GUCY1A2: variants seen among roughly 807,000 people sequenced by gnomAD.
GUCY1A2 encodes the protein guanylate cyclase soluble subunit alpha-2.
A neutral mutation model predicts 63.5 loss-of-function variants in GUCY1A2; 27 were observed. That is an observed-to-expected ratio of 0.43 (90% CI 0.31 to 0.59). The LOEUF (loss-of-function observed/expected upper bound fraction) is 0.59, where lower values mean the gene tolerates loss of function less well. GUCY1A2 is among the 20% of genes least tolerant of loss of function. GUCY1A2 has a pLI of 0.11. For synonymous variants in GUCY1A2, 364 were observed against 343.5 expected (o/e 1.06, Z -0.66); for missense variants, 768 against 913.3 (o/e 0.84, Z 2.05).
At chr11:107,006,070 T>C (rs1358544171) in intron 1 of GUCY1A2, among the ~76,000 whole-genome samples, 1 of 152,232 alleles carries the variant, frequency 6.6e-6, no homozygotes, top group African/African-American at 2.4e-5. Context: ...TCCTATGAAT[T>C]GTAAACCTCA....
intron 5 of GUCY1A2, among the ~76,000 whole-genome samples, chr11:106,804,959 A>G (rs1457627397): frequency 6.6e-6 from 1 of 152,084 alleles, no homozygotes; most frequent in African/African-American, 2.4e-5. Flanking sequence ...TACTTTGCTA[A>G]TTGGCCTGAA....
chr11:106,880,393 A>G (rs1429113690), intron 4 of GUCY1A2, among the ~76,000 whole-genome samples: 1 of 151,850 alleles, frequency 6.6e-6, no homozygotes. Context: ...TTTTTTTACA[A>G]ACTGTAGTGG....
chr11:106,936,838 A>G, intron 4 of GUCY1A2: 1 of 541,396 alleles, frequency 1.8e-6, no homozygotes, highest in South Asian at 3.3e-5. Context: ...TTAAAATAGC[A>G]TTTTCTTATA....
At chr11:106,903,074 C>T (rs989674795) in intron 4 of GUCY1A2, among the ~76,000 whole-genome samples, 1 of 152,108 alleles carries the variant, frequency 6.6e-6, no homozygotes, top group South Asian at 2.1e-4. Context: ...TGCTCAAACA[C>T]TGATTTTATT....
At chr11:106,709,200 T>A (rs1209844299) in intron 6 of GUCY1A2, among the ~76,000 whole-genome samples, 1 of 127,582 alleles carries the variant, frequency 7.8e-6, no homozygotes, top group Non-Finnish European at 1.6e-5. Flanking sequence ...CTATATATAA[T>A]ATACATGTAT....
intron 4 of GUCY1A2, among the ~76,000 whole-genome samples, chr11:106,930,458 C>T (rs908115352): frequency 3.3e-5 from 5 of 152,222 alleles, no homozygotes; most frequent in African/African-American, 9.6e-5. Context: ...CTTAATCATA[C>T]ACAATACTGT....
intron 4 of GUCY1A2, among the ~76,000 whole-genome samples, chr11:106,892,870 T>C (rs1048089371): frequency 2.0e-5 from 3 of 152,176 alleles, no homozygotes; most frequent in Non-Finnish European, 2.9e-5. Flanking sequence ...AGAGAATTCT[T>C]AAAGTCCTTT....
chr11:106,772,411 T>C (rs577940844), intron 6 of GUCY1A2, among the ~76,000 whole-genome samples: 9 of 152,224 alleles, frequency 5.9e-5, no homozygotes, highest in Non-Finnish European at 1.3e-4. Flanking sequence ...TCTCAATAAG[T>C]TTGGAAATGT....
intron 1 of GUCY1A2, among the ~76,000 whole-genome samples, chr11:106,993,980 A>G (rs1250311208): frequency 6.6e-6 from 1 of 152,226 alleles, no homozygotes; most frequent in East Asian, 1.9e-4. Context: ...ATAAAAAGCT[A>G]GAGATGCACT....
chr11:106,928,579 C>T (rs1465729470), intron 4 of GUCY1A2, among the ~76,000 whole-genome samples: 1 of 151,944 alleles, frequency 6.6e-6, no homozygotes, highest in Non-Finnish European at 1.5e-5. Context: ...TCATGAATCA[C>T]TTAACAACAA....
chr11:106,824,668 G>C (rs1368382763), intron 4 of GUCY1A2: 3 of 850,360 alleles, frequency 3.5e-6, no homozygotes, highest in Non-Finnish European at 5.2e-6. Context: ...GAAATTTGTA[G>C]ATAAAAAACT....
At chr11:106,826,866 A>G in intron 4 of GUCY1A2, 1 of 1,605,866 alleles carries the variant, frequency 6.2e-7, no homozygotes, top group East Asian at 2.2e-5. Flanking sequence ...GCATATGATC[A>G]TCCACTTTCA....
At chr11:107,016,940 G>T (rs2120227001) in intron 1 of GUCY1A2, among the ~76,000 whole-genome samples, 1 of 152,338 alleles carries the variant, frequency 6.6e-6, no homozygotes, top group East Asian at 1.9e-4. Flanking sequence ...ATACCTAGGT[G>T]ATGAGTTAGT....
intron 4 of GUCY1A2, among the ~76,000 whole-genome samples, chr11:106,875,469 T>C (rs1018765111): frequency 2.6e-5 from 4 of 152,188 alleles, no homozygotes; most frequent in Admixed American, 2.6e-4. Context: ...GTTTAAATCA[T>C]GGTTGGATCC....
At chr11:106,835,285 C>T (rs919827619) in intron 4 of GUCY1A2, among the ~76,000 whole-genome samples, 2 of 151,076 alleles carry the variant, frequency 1.3e-5, no homozygotes, top group Non-Finnish European at 3.0e-5. Context: ...GAAAGTAAAA[C>T]AAAACAGCAG....
At chr11:106,916,624 T>A (rs962356760) in intron 4 of GUCY1A2, among the ~76,000 whole-genome samples, 1 of 145,560 alleles carries the variant, frequency 6.9e-6, no homozygotes, top group Admixed American at 6.9e-5. Context: ...TAGATATATA[T>A]GTATTTTTTT....
At chr11:106,756,538 C>A (rs975888885) in intron 6 of GUCY1A2, among the ~76,000 whole-genome samples, 1 of 152,090 alleles carries the variant, frequency 6.6e-6, no homozygotes, top group African/African-American at 2.4e-5. Flanking sequence ...GTAAGGCAGG[C>A]CTGGTGGTGA....
chr11:106,708,762 T>TAA, intron 6 of GUCY1A2, 96 bp from the exon 7 acceptor site: 1 of 719,458 alleles, frequency 1.4e-6, no homozygotes, highest in Non-Finnish European at 2.1e-6. Flanking sequence ...ATAATAATAA[T>TAA]AAAAAAAAAC....
At chr11:106,990,587 G>C (rs189404554) in intron 1 of GUCY1A2, among the ~76,000 whole-genome samples, 317 of 151,782 alleles carry the variant, frequency 2.1e-3, no homozygotes, top group African/African-American at 6.9e-3. Context: ...CTCTCTCTCT[G>C]TGTGTGTGTG....
Sources: gnomAD v4.1 joint callset for allele counts (sites outside exome capture counted in the v4.1 genomes callset) on GRCh38, gnomAD v4.1.1 for gene constraint, MANE v1.5 for transcripts, NCBI Gene and HGNC (gene_info 2026-07-23, HGNC 2026-07-21) for gene names.